The following HPCAL1 variants were observed in gnomAD, a reference collection of about 807,000 sequenced individuals.
HPCAL1 encodes the protein hippocalcin like 1, also known as hippocalcin-like protein 1.
Under a neutral mutation model 17.1 loss-of-function variants are expected in HPCAL1, and 8 were observed. The ratio of observed to expected loss-of-function variants is 0.47; its 90% CI spans 0.27 to 0.84. The LOEUF is 0.84. Ranked by LOEUF, HPCAL1 falls within the 40% of genes least tolerant of loss-of-function variation. The pLI is 0.13. For synonymous variants in HPCAL1, 112 were observed against 111.4 expected, an observed-to-expected ratio of 1.01 and a Z score of -0.03; for missense variants, 165 against 271.1, an observed-to-expected ratio of 0.61 and a Z score of 2.75.
rs538153747 is a variant in HPCAL1, at chr2:10,370,332, A to G, written c.-110-26503A>G. ...CTCACCCATGCCTGCCTGCAGGTGC[A>G]TGCTTGGGACTTGGCAGTGGGGGAA... is the stretch of plus-strand genomic sequence containing the variant. On this transcript the variant is annotated intron_variant, in intron 1 of 4. Coordinates refer to ENST00000307845, the MANE Select transcript of HPCAL1 (RefSeq NM_002149.4). Among the ~76,000 whole-genome samples the G allele has an allele frequency of 9.8e-5, 15 of 152,340 alleles. No homozygotes were observed. In the East Asian group the frequency reaches 2.1e-3, roughly 22 times the overall value.
At chr2:10,370,825 T>C (rs1667159570) in intron 1 of HPCAL1, among the ~76,000 whole-genome samples, 1 of 152,200 alleles carries the variant, frequency 6.6e-6, no homozygotes, top group Non-Finnish European at 1.5e-5. Flanking sequence ...TGGGCTCAAA[T>C]TCCAACTTTT....
At chr2:10,372,563 G>A (rs927750849) in intron 1 of HPCAL1, among the ~76,000 whole-genome samples, 7 of 152,212 alleles carry the variant, frequency 4.6e-5, no homozygotes, top group African/African-American at 1.2e-4. Flanking sequence ...GGCAAGTGGC[G>A]TCACCAAGGC....
At chr2:10,425,050 CCAGCATCT>C (rs754620388) in intron 4 of HPCAL1, 54 of 181,214 alleles carry the variant, frequency 3.0e-4, no homozygotes, top group Non-Finnish European at 5.3e-4. Context: ...TCGGAAGCTC[CCAGCATCT>C]CAGCAGCCCT....
In HPCAL1 at chr2:10,419,279, C is replaced by G. The variant is rs964573514; in HGVS notation, c.-24-455C>G. 6.6e-6 allele frequency among the ~76,000 whole-genome samples: 1 copy of G among 152,040 alleles called. No individual in the cohort carries two copies. Among genetic ancestry groups the G allele is most frequent in the Non-Finnish European group, 1.5e-5 (1 of 68,032 alleles). On this transcript the variant is annotated intron_variant, in intron 2 of 4. Coordinates refer to ENST00000307845, the MANE Select transcript of HPCAL1 (RefSeq NM_002149.4). The surrounding 1 kb of genome is among the most constrained non-coding windows in gnomAD (Gnocchi z 5.0). ...GTGACTCCCTGAAAGTTTCTAGACG[C>G]CTCTTCTAAAGATAAAAACATAATG... is the stretch of plus-strand genomic sequence containing the variant.
Position 10,343,017 on chromosome 2 carries a change from C to T in HPCAL1, c.-111+39840C>T, listed in dbSNP as rs568332899. ...GATATCAGTGCCCTGCCAGCTGTTGCAAGTTTTAAACTCAATGTGCCTCTG... is the reference window on the plus strand; with the variant it reads ...GATATCAGTGCCCTGCCAGCTGTTGTAAGTTTTAAACTCAATGTGCCTCTG... On this transcript the variant is annotated intron_variant, in intron 1 of 4. Transcript: ENST00000307845. This position sits in a 1 kb window ranked among gnomAD's most constrained non-coding sequence, Gnocchi z 4.8. Among the ~76,000 whole-genome samples the T allele has an allele frequency of 7.9e-5, 12 of 152,290 alleles. No individual in the cohort carries two copies. Among genetic ancestry groups the T allele is most frequent in the African/African-American group, 2.9e-4 (12 of 41,546 alleles).
At chr2:10,420,972 G>T (rs370587002) in intron 3 of HPCAL1, among the ~76,000 whole-genome samples, 7 of 152,198 alleles carry the variant, frequency 4.6e-5, no homozygotes, top group African/African-American at 1.7e-4. Context: ...TGTTGGCCAG[G>T]CTAGTCTTAA....
intron 1 of HPCAL1, among the ~76,000 whole-genome samples, chr2:10,328,875 C>T (rs1230419105): frequency 1.3e-5 from 2 of 152,120 alleles, no homozygotes; most frequent in African/African-American, 4.8e-5. Flanking sequence ...AATTAGAATA[C>T]AGGTTCCTGC....
At position 10,342,338 on chromosome 2, in the gene HPCAL1, T is replaced by A. The variant is rs1217846388; in HGVS notation, c.-111+39161T>A. 2.0e-5 allele frequency among the ~76,000 whole-genome samples: 3 copies of A among 152,160 alleles called. No homozygotes were observed. Among genetic ancestry groups the A allele is most frequent in the Non-Finnish European group, 4.4e-5 (3 of 68,028 alleles). Reference sequence around the variant, plus strand: ...GCCCGCCTCCAGGGGCACACTGCATTCTTTGTGGAAGTGTCCCTGGAATGC... The same window carrying A: ...GCCCGCCTCCAGGGGCACACTGCATACTTTGTGGAAGTGTCCCTGGAATGC... On this transcript the variant is annotated intron_variant, in intron 1 of 4. Coordinates refer to ENST00000307845, the MANE Select transcript of HPCAL1 (RefSeq NM_002149.4). This position sits in a 1 kb window ranked among gnomAD's most constrained non-coding sequence, Gnocchi z 4.1.
intron 3 of HPCAL1, 151 bp from the exon 4 acceptor site, chr2:10,422,832 G>C: frequency 1.6e-6 from 1 of 613,188 alleles, no homozygotes; most frequent in Non-Finnish European, 3.0e-6. Context: ...GTTCACTAGG[G>C]AACATTCTCC....
In HPCAL1 at chr2:10,304,334, T is replaced by C. The variant is rs1662476047; in HGVS notation, c.-111+1157T>C. Among the ~76,000 whole-genome samples, 1 of 152,182 alleles carries C rather than the reference T, an allele frequency of 6.6e-6. No individual in the cohort carries two copies. Among genetic ancestry groups the C allele is most frequent in the Admixed American group, 6.5e-5 (1 of 15,286 alleles). ...GGAGTCCGAGAGTCACGGCGTAAAA[T>C]TGGCGCTTCCCGCACATGCAGATCT... On this transcript the variant is annotated intron_variant, in intron 1 of 4. Transcript: ENST00000307845. This position sits in a 1 kb window ranked among gnomAD's most constrained non-coding sequence, Gnocchi z 4.1.
chr2:10,382,840 C>T (rs1006567360), intron 1 of HPCAL1, among the ~76,000 whole-genome samples: 12 of 152,228 alleles, frequency 7.9e-5, no homozygotes, highest in Non-Finnish European at 1.6e-4. Context: ...GAAGGCTGCA[C>T]ACCTTCCTGT....
At chr2:10,403,331 AAC>A (rs1187192511) in intron 2 of HPCAL1, among the ~76,000 whole-genome samples, 6 of 124,176 alleles carry the variant, frequency 4.8e-5, no homozygotes, top group Non-Finnish European at 9.3e-5. Context: ...ACACTGTCCA[AAC>A]ACATATTGGA....
At chr2:10,396,630 G>T (rs1192286496) in intron 1 of HPCAL1, among the ~76,000 whole-genome samples, 1 of 152,200 alleles carries the variant, frequency 6.6e-6, no homozygotes, top group Non-Finnish European at 1.5e-5. Context: ...TGGGCTTCTC[G>T]CCTGCTGGGG....
chr2:10,396,015 C>T (rs1037188338), intron 1 of HPCAL1, among the ~76,000 whole-genome samples: 8 of 152,122 alleles, frequency 5.3e-5, no homozygotes, highest in Non-Finnish European at 1.0e-4. Flanking sequence ...AAGAGGGAGG[C>T]GGGCCCGTCC....
rs1377164380 is a variant in HPCAL1, at chr2:10,365,672, G to A, written c.-110-31163G>A. The stretch of plus-strand genomic sequence containing the variant: ...AAAGGTGTGGCAACAGCTAACAGGT[G>A]CTTGGTGGTCCCCGCCCACCCTCCT... On this transcript the variant is annotated intron_variant, in intron 1 of 4. Coordinates refer to ENST00000307845, the MANE Select transcript of HPCAL1 (RefSeq NM_002149.4). This position sits in a 1 kb window ranked among gnomAD's most constrained non-coding sequence, Gnocchi z 4.8. Among the ~76,000 whole-genome samples, 2 of 152,148 alleles carry A rather than the reference G, an allele frequency of 1.3e-5. No homozygotes were observed. Among genetic ancestry groups the A allele is most frequent in the Admixed American group, 6.5e-5 (1 of 15,286 alleles).
At chr2:10,369,071 A>C (rs1476408397) in intron 1 of HPCAL1, 2 of 152,180 alleles carry the variant, frequency 1.3e-5, no homozygotes, top group African/African-American at 4.8e-5. Flanking sequence ...CGGTCGCCTC[A>C]GGCTGGCCAC....
intron 1 of HPCAL1, among the ~76,000 whole-genome samples, chr2:10,318,611 G>A (rs1322608234): frequency 6.6e-6 from 1 of 152,174 alleles, no homozygotes; most frequent in Non-Finnish European, 1.5e-5. Context: ...GTGATTGGCC[G>A]GGTGGGCTCG....
intron 1 of HPCAL1, among the ~76,000 whole-genome samples, chr2:10,380,389 G>A (rs1231716976): frequency 1.3e-5 from 2 of 152,138 alleles, no homozygotes; most frequent in African/African-American, 4.8e-5. Flanking sequence ...GTGTGGGTGG[G>A]TGTGCGCTGC....
At chr2:10,356,782 G>C (rs1247310850) in intron 1 of HPCAL1, among the ~76,000 whole-genome samples, 1 of 152,094 alleles carries the variant, frequency 6.6e-6, no homozygotes, top group Non-Finnish European at 1.5e-5. Context: ...TCAGGCCCTG[G>C]CTTCCCCCCT....
Sources: allele counts gnomAD v4.1 joint callset (sites outside exome capture counted in the v4.1 genomes callset), GRCh38; gene constraint gnomAD v4.1.1; non-coding constraint Gnocchi (gnomAD v3.1); transcripts MANE v1.5; gene names NCBI Gene and HGNC (gene_info 2026-07-23, HGNC 2026-07-21).